CNTNAP3: variants seen among roughly 807,000 people sequenced by gnomAD.
CNTNAP3 encodes contactin-associated protein-like 3.
In CNTNAP3, 36 loss-of-function variants were observed where a neutral mutation model predicts 92.1. The observed-to-expected ratio is 0.39, with a 90% CI of 0.30 to 0.52. The LOEUF is 0.52. Ranked by LOEUF, CNTNAP3 falls within the 20% of genes least tolerant of loss-of-function variation. The pLI, the probability that CNTNAP3 is intolerant of heterozygous loss-of-function variation, is 0.76. For missense variants in CNTNAP3, 534 were observed against 1,069.6 expected (o/e 0.50, Z 6.98); for synonymous variants, 232 against 422.3 (o/e 0.55, Z 5.53).
At chr9:39,096,333 T>G (rs906870159) in intron 18 of CNTNAP3, among the ~76,000 whole-genome samples, 2 of 148,380 alleles carry the variant, frequency 1.3e-5, no homozygotes, top group African/African-American at 2.5e-5. Context: ...CGTTCTTTGT[T>G]ATTTCCTCTA....
At chr9:39,113,346 T>C (rs1820756301) in intron 14 of CNTNAP3, among the ~76,000 whole-genome samples, 1 of 152,222 alleles carries the variant, frequency 6.6e-6, no homozygotes, top group Non-Finnish European at 1.5e-5. Flanking sequence ...TCCATAAAAG[T>C]ACTGCAGTTA....
intron 18 of CNTNAP3, among the ~76,000 whole-genome samples, chr9:39,090,731 GA>G (rs1826175843): frequency 6.6e-6 from 1 of 152,122 alleles, no homozygotes; most frequent in Non-Finnish European, 1.5e-5. Flanking sequence ...TTTCAGGAAA[GA>G]AGCCAGCTGG....
At chr9:39,127,589 T>A (rs560831530) in intron 13 of CNTNAP3, among the ~76,000 whole-genome samples, 11 of 152,132 alleles carry the variant, frequency 7.2e-5, no homozygotes, top group Non-Finnish European at 1.3e-4. Flanking sequence ...TGGATATCAC[T>A]ACAGATGCTG....
At chr9:39,079,763 A>T (rs1210872055) in intron 21 of CNTNAP3, among the ~76,000 whole-genome samples, 1 of 123,418 alleles carries the variant, frequency 8.1e-6, no homozygotes, top group Non-Finnish European at 1.6e-5. Context: ...CAACTTCCCT[A>T]GCCCTCACAA....
rs767899158 is a variant in CNTNAP3, at chr9:39,133,055, A to G, written c.1957T>C (p.Ser653Pro). 23 of 1,555,522 alleles carry G rather than the reference A, an allele frequency of 1.5e-5. No individual in the cohort carries two copies. In the East Asian group the frequency reaches 4.9e-4, roughly 33 times the overall value. ...GCTGCGTACGCGAAGGACACAGCCGAGCGCGGGTGCCCGCTGGGGGCACCT... is the reference window on the plus strand; with the variant it reads ...GCTGCGTACGCGAAGGACACAGCCGGGCGCGGGTGCCCGCTGGGGGCACCT... ...LRGAPSGHPRSAVSFAYAAGA... is the reference protein window; with the variant it reads ...LRGAPSGHPRPAVSFAYAAGA... Residue 653 changes from serine to proline, a missense_variant, in exon 13 of 24, where the codon TCG becomes CCG. Ser to Pro is a moderately conservative substitution (Grantham distance 74). Transcript: ENST00000297668.
chr9:39,101,806 T>C (rs1205754564), intron 17 of CNTNAP3, among the ~76,000 whole-genome samples: 1 of 152,064 alleles, frequency 6.6e-6, no homozygotes, highest in African/African-American at 2.4e-5. Flanking sequence ...TGTCTAATGA[T>C]CTCACTAATA....
At chr9:39,152,408 C>A (rs555235912) in intron 9 of CNTNAP3, among the ~76,000 whole-genome samples, 2 of 137,894 alleles carry the variant, frequency 1.5e-5, no homozygotes, top group Admixed American at 1.4e-4. Context: ...AGACTAAAAT[C>A]TTTTATATTT....
chr9:39,140,021 A>T (rs1198874208), intron 12 of CNTNAP3: 1 of 153,406 alleles, frequency 6.5e-6, no homozygotes, highest in East Asian at 1.9e-4. Context: ...CTGAGATTAC[A>T]GGCGTGAGCC....
Position 39,078,826 on chromosome 9 carries a change from C to T in CNTNAP3, c.3537G>A (p.Leu1179=), listed in dbSNP as rs1315012109. ...GGCCGCTGGGGCGCAGCGCCGCCTT[C>T]AGGGGAGCAGCGCGGCCGAAGCGCA... ...SAVRFGRAAP[L]KAALRPSGPS... The change falls in exon 22 of 24, where the codon CTG becomes CTA. Residue 1179 remains leucine, a synonymous_variant. Transcript: ENST00000297668. The T allele has an allele frequency of 6.5e-7, 1 of 1,532,700 alleles. No individual in the cohort carries two copies. The highest frequency in any genetic ancestry group is 8.7e-7 in the Non-Finnish European group (1 of 1,146,128). The allele number at this position is 1,532,700 out of a possible 1,614,324, so 94.9% of individuals were successfully genotyped here.
At position 39,117,162 on chromosome 9, in the gene CNTNAP3, T is replaced by A. The variant is rs553258021; in HGVS notation, c.2237+941A>T. 3.9e-5 allele frequency among the ~76,000 whole-genome samples: 6 copies of A among 152,134 alleles called. No individual in the cohort carries two copies. In the South Asian group the frequency reaches 1.2e-3, roughly 32 times the overall value. On this transcript the variant is annotated intron_variant, in intron 14 of 23. Coordinates refer to ENST00000297668, the MANE Select transcript of CNTNAP3 (RefSeq NM_033655.5). ...ACACACAGCCACACCCGGCTAATTT[T>A]TGTATTTTCAGTGGATACGGGGTTT...
intron 12 of CNTNAP3, among the ~76,000 whole-genome samples, chr9:39,135,169 A>T (rs1821400925): frequency 6.6e-6 from 1 of 152,212 alleles, no homozygotes; most frequent in African/African-American, 2.4e-5. Flanking sequence ...AAGGACATAG[A>T]CCATTGTGGT....
chr9:39,068,845 G>A lies in CNTNAP3; in HGVS notation c.*5045C>T, dbSNP rs1238496564. On this transcript the variant is annotated 3_prime_UTR_variant, in exon 24 of 24. Transcript: ENST00000297668. ...ACATCTTATGTTTCCTGTCTTTCAG[G>A]GATTACATTCCGTGCCTCATGTCCA... Among the ~76,000 whole-genome samples the A allele has an allele frequency of 3.9e-5, 6 of 152,364 alleles. No individual in the cohort carries two copies. The East Asian group carries it at 7.8e-4, about 20-fold the overall frequency.
chr9:39,088,762 A>G (rs1826125636), intron 18 of CNTNAP3, 115 bp from the exon 19 acceptor site: 1 of 962,460 alleles, frequency 1.0e-6, no homozygotes, highest in African/African-American at 1.7e-5. Flanking sequence ...ATAAAGTAAT[A>G]GTGAAATCCT....
intron 18 of CNTNAP3, among the ~76,000 whole-genome samples, chr9:39,089,266 G>A (rs1358242302): frequency 6.6e-6 from 1 of 151,198 alleles, no homozygotes; most frequent in Non-Finnish European, 1.5e-5. Flanking sequence ...CTCTGCAGAG[G>A]TTCCTATTCA....
chr9:39,077,336 A>C (rs1345909397), intron 23 of CNTNAP3, among the ~76,000 whole-genome samples: 1 of 152,006 alleles, frequency 6.6e-6, no homozygotes, highest in Non-Finnish European at 1.5e-5. Flanking sequence ...AGGCGGGTGG[A>C]TCACGAGGTC....
rs1451469495 is a variant in CNTNAP3, at chr9:39,065,841, A to G, written c.*8049T>C. Among the ~76,000 whole-genome samples, 9 of 152,046 alleles carry G rather than the reference A, an allele frequency of 5.9e-5. No homozygotes were observed. The highest frequency in any genetic ancestry group is 1.3e-4 in the Admixed American group (2 of 15,254). ...ATTGAGTTGTTAAGAGTTCTTTATG[A>G]ACTATATTCTGAAAAAAATTTACAG... On this transcript the variant is annotated 3_prime_UTR_variant, in exon 24 of 24. Coordinates refer to ENST00000297668, the MANE Select transcript of CNTNAP3 (RefSeq NM_033655.5).
At chr9:39,108,871 T>A (rs1157344108) in intron 15 of CNTNAP3, among the ~76,000 whole-genome samples, 2 of 152,184 alleles carry the variant, frequency 1.3e-5, no homozygotes, top group Non-Finnish European at 2.9e-5. Context: ...AGAAAATAGT[T>A]CATCTCATGA....
chr9:39,162,628 T>C (rs141591754), intron 9 of CNTNAP3, among the ~76,000 whole-genome samples: 1 of 73,020 alleles, frequency 1.4e-5, no homozygotes, highest in African/African-American at 6.6e-5. Context: ...TGGAATACTA[T>C]GTAGTCATAA....
chr9:39,099,677 T>C (rs1391192331), intron 18 of CNTNAP3: 1 of 789,796 alleles, frequency 1.3e-6, no homozygotes, highest in Non-Finnish European at 2.0e-6. Flanking sequence ...GAACAGATGC[T>C]AGGGGTAACC....
Sources: allele counts gnomAD v4.1 joint callset (sites outside exome capture counted in the v4.1 genomes callset), GRCh38; gene constraint gnomAD v4.1.1; transcripts MANE v1.5; gene names NCBI Gene and HGNC (gene_info 2026-07-23, HGNC 2026-07-21).